TGFBR3: variants seen among roughly 807,000 people sequenced by gnomAD.
The protein encoded by TGFBR3 is transforming growth factor beta receptor 3.
A neutral mutation model predicts 87.9 loss-of-function variants in TGFBR3; 46 were observed. That is an observed-to-expected ratio of 0.52 (90% CI 0.41 to 0.67). The LOEUF (loss-of-function observed/expected upper bound fraction) is 0.67. Ranked by LOEUF, TGFBR3 falls within the 30% of genes least tolerant of loss-of-function variation. The pLI is 0.00. For synonymous variants in TGFBR3, 381 were observed against 391.6 expected (o/e 0.97, Z 0.32); for missense variants, 866 against 1,041.9 (o/e 0.83, Z 2.32).
At chr1:91,880,122 A>G (rs928854152) in intron 1 of TGFBR3, among the ~76,000 whole-genome samples, 1 of 152,120 alleles carries the variant, frequency 6.6e-6, no homozygotes, top group African/African-American at 2.4e-5. Flanking sequence ...AAGGCTCACT[A>G]TTATGTGTTT....
intron 2 of TGFBR3, 50 bp downstream of exon 2, chr1:91,861,421 A>C (rs749403612): frequency 7.0e-7 from 1 of 1,424,112 alleles, no homozygotes; most frequent in Admixed American, 1.7e-5. Flanking sequence ...CTGGGACAAA[A>C]TATATCCAAA....
chr1:91,727,970 A>G (rs957305043), intron 6 of TGFBR3, 164 bp from the exon 7 acceptor site: 6 of 725,650 alleles, frequency 8.3e-6, no homozygotes, highest in African/African-American at 1.8e-5. Context: ...TACTGCACAC[A>G]TAACAAAATT....
chr1:91,749,317 C>T (rs768228989), intron 4 of TGFBR3, among the ~76,000 whole-genome samples: 2 of 152,156 alleles, frequency 1.3e-5, no homozygotes, highest in Non-Finnish European at 2.9e-5. Context: ...TCCAGGTATA[C>T]ACTGTGTCAT....
chr1:91,895,562 T>G (rs575229546), intron 2 of TGFBR3, among the ~76,000 whole-genome samples: 1 of 152,264 alleles, frequency 6.6e-6, no homozygotes, highest in Non-Finnish European at 1.5e-5. Flanking sequence ...CTTGAGTGAA[T>G]CCTCCCATCT....
At chr1:91,785,064 T>C (rs949732713) in intron 3 of TGFBR3, among the ~76,000 whole-genome samples, 15 of 152,164 alleles carry the variant, frequency 9.9e-5, no homozygotes, top group Non-Finnish European at 2.9e-5. Context: ...TTAAAACTAA[T>C]AAAACTTTAA....
At chr1:91,769,928 G>A (rs976613716) in intron 3 of TGFBR3, among the ~76,000 whole-genome samples, 2 of 152,148 alleles carry the variant, frequency 1.3e-5, no homozygotes, top group African/African-American at 4.8e-5. Context: ...GAAAGGCTGG[G>A]GCACAGAAGT....
chr1:91,689,840 T>TAAAAAAAAAAAAA (rs545760131), intron 16 of TGFBR3, among the ~76,000 whole-genome samples: 13 of 99,280 alleles, frequency 1.3e-4, no homozygotes, highest in East Asian at 7.7e-4. Flanking sequence ...AGAAACTGAT[T>TAAAAAAAAAAAAA]AAAAAAAAAA....
At chr1:91,837,149 G>A (rs978882979) in intron 2 of TGFBR3, among the ~76,000 whole-genome samples, 1 of 152,038 alleles carries the variant, frequency 6.6e-6, no homozygotes, top group Non-Finnish European at 1.5e-5. Context: ...TGTAAATACA[G>A]ACCTAATAAT....
intron 2 of TGFBR3, among the ~76,000 whole-genome samples, chr1:91,893,798 G>T (rs1230362590): frequency 6.6e-6 from 1 of 151,270 alleles, no homozygotes; most frequent in African/African-American, 2.4e-5. Context: ...TTTCCCAAAG[G>T]TTTCTAAGAA....
chr1:91,852,483 G>A (rs1677776094), intron 2 of TGFBR3, among the ~76,000 whole-genome samples: 1 of 152,224 alleles, frequency 6.6e-6, no homozygotes, highest in Non-Finnish European at 1.5e-5. Context: ...AAGGTAGGTG[G>A]GGAGGTGCTT....
intron 4 of TGFBR3, among the ~76,000 whole-genome samples, chr1:91,739,076 C>T (rs1159301081): frequency 6.6e-6 from 1 of 152,150 alleles, no homozygotes; most frequent in African/African-American, 2.4e-5. Context: ...TGGTAGGACA[C>T]AGGGCTGAGG....
At chr1:91,755,447 A>G (rs1012825696) in intron 4 of TGFBR3, among the ~76,000 whole-genome samples, 2 of 151,832 alleles carry the variant, frequency 1.3e-5, no homozygotes, top group Non-Finnish European at 2.9e-5. Flanking sequence ...TGCAGACGGG[A>G]AAAAAACCGT....
intron 14 of TGFBR3, among the ~76,000 whole-genome samples, chr1:91,699,101 GT>G (rs1671531649): frequency 6.6e-6 from 1 of 152,074 alleles, no homozygotes; most frequent in Non-Finnish European, 1.5e-5. Context: ...GGCACACAAA[GT>G]TCTCCCTCCC....
At chr1:91,701,826 C>G (rs1006134962) in intron 14 of TGFBR3, among the ~76,000 whole-genome samples, 1 of 152,168 alleles carries the variant, frequency 6.6e-6, no homozygotes, top group African/African-American at 2.4e-5. Flanking sequence ...CCTGGAGACT[C>G]AGGAGGTCTT....
chr1:91,889,039 T>C (rs1190108771), upstream of TGFBR3, among the ~76,000 whole-genome samples: 2 of 152,044 alleles, frequency 1.3e-5, no homozygotes, highest in Non-Finnish European at 2.9e-5. Context: ...CGCACCACCA[T>C]GCCTGGCTAA....
chr1:91,687,030 T>C (rs935214642), intron 16 of TGFBR3, among the ~76,000 whole-genome samples: 53 of 151,952 alleles, frequency 3.5e-4, no homozygotes, highest in African/African-American at 1.2e-3. Context: ...GGAGAGTGAG[T>C]AGGGGAGAGA....
Position 91,719,392 on chromosome 1 carries a change from A to T in TGFBR3, c.1486T>A (p.Phe496Ile). ...TCKAKMNGTH[F>I]VLESPLNGCG... is the part of the protein sequence containing the mutation. ...CCATTCAGAGGAGACTCCAAAACAAAGTGTGTGCCATTCATCTTGGCCTTG... is the reference window on the plus strand; with the variant it reads ...CCATTCAGAGGAGACTCCAAAACAATGTGTGTGCCATTCATCTTGGCCTTG... The change falls in exon 10 of 17, where the codon TTT becomes ATT. Residue 496 changes from phenylalanine (F) to isoleucine (I), a missense_variant. Coordinates refer to ENST00000212355, the MANE Select transcript of TGFBR3 (RefSeq NM_003243.5). The T allele has an allele frequency of 6.2e-7, 1 of 1,614,176 alleles. No individual in the cohort carries two copies. The highest frequency in any genetic ancestry group is 8.5e-7 in the Non-Finnish European group (1 of 1,180,030).
At chr1:91,904,563 ATTT>A (rs111512659) in intron 1 of TGFBR3, among the ~76,000 whole-genome samples, 152 of 115,100 alleles carry the variant, frequency 1.3e-3, no homozygotes, top group Middle Eastern at 4.3e-3. Context: ...CATGCAGCTG[ATTT>A]TTTTTTTTTT....
intron 12 of TGFBR3, among the ~76,000 whole-genome samples, chr1:91,715,046 G>GT (rs1199208833): frequency 6.6e-6 from 1 of 152,164 alleles, no homozygotes; most frequent in Non-Finnish European, 1.5e-5. Flanking sequence ...ACCCCACTTT[G>GT]ACCCTTTAAG....
Sources: allele counts gnomAD v4.1 joint callset (sites outside exome capture counted in the v4.1 genomes callset), GRCh38; gene constraint gnomAD v4.1.1; transcripts MANE v1.5; gene names NCBI Gene and HGNC (gene_info 2026-07-23, HGNC 2026-07-21).